The following APLF variants were observed in gnomAD, a reference collection of about 807,000 sequenced individuals.
APLF encodes the protein aprataxin and PNK-like factor.
In APLF, 61 loss-of-function variants were observed where a neutral mutation model predicts 55.6. That is an observed-to-expected ratio of 1.10 (90% CI 0.89 to 1.36). APLF has a LOEUF of 1.36. APLF is among the 40% of genes most tolerant of loss of function. APLF has a pLI of 0.00. For missense variants in APLF, 611 were observed against 602.5 expected (o/e 1.01, Z -0.15); for synonymous variants, 207 against 214.8 (o/e 0.96, Z 0.32).
At chr2:68,557,672 G>GA (rs1671052712) in intron 8 of APLF, among the ~76,000 whole-genome samples, 1 of 152,180 alleles carries the variant, frequency 6.6e-6, no homozygotes, top group Admixed American at 6.5e-5. Context: ...AGCACTGTGG[G>GA]AGGCTGAGGT....
At chr2:68,490,361 A>G in intron 2 of APLF, 100 bp downstream of exon 2, 2 of 873,658 alleles carry the variant, frequency 2.3e-6, no homozygotes, top group Non-Finnish European at 3.4e-6. Context: ...ATAGGGAATT[A>G]ATGTCAGAAT....
At chr2:68,479,934 T>G (rs980515797) in intron 1 of APLF, among the ~76,000 whole-genome samples, 2 of 152,224 alleles carry the variant, frequency 1.3e-5, no homozygotes, top group Non-Finnish European at 2.9e-5. Context: ...TCCACTTCCA[T>G]TTAATGAATA....
chr2:68,487,815 A>G (rs1208147455), intron 1 of APLF, among the ~76,000 whole-genome samples: 1 of 152,074 alleles, frequency 6.6e-6, no homozygotes, highest in African/African-American at 2.4e-5. Flanking sequence ...TGTATTCACT[A>G]TTTAGGGTTT....
At chr2:68,521,505 A>T (rs1669896655) in intron 5 of APLF, among the ~76,000 whole-genome samples, 1 of 151,746 alleles carries the variant, frequency 6.6e-6, no homozygotes, top group South Asian at 2.1e-4. Flanking sequence ...CCTGGGCTAA[A>T]TTTTTTTAAA....
At position 68,537,879 on chromosome 2, in the gene APLF, C is replaced by T. The variant is rs569462074; in HGVS notation, c.812C>T (p.Pro271Leu). 1.6e-5 allele frequency: 25 copies of T among 1,557,424 alleles called. No homozygotes were observed. Among genetic ancestry groups the T allele is most frequent in the Non-Finnish European group, 2.1e-5 (24 of 1,153,100 alleles). Residue 271 changes from proline (P) to leucine (L), a missense_variant, in exon 7 of 10, where the codon CCA (proline) becomes CTA (leucine). Coordinates refer to ENST00000303795, the MANE Select transcript of APLF (RefSeq NM_173545.3). ...TTCATATTTGTTTTACAGGAAATGC[C>T]ACAATCATTTTCTGCAATCACATTA... ...EESTISSKEMPQSFSAITLSN... is the reference protein window; with the variant it reads ...EESTISSKEMLQSFSAITLSN...
chr2:68,479,673 A>T (rs1266533614), intron 1 of APLF, among the ~76,000 whole-genome samples: 1 of 152,252 alleles, frequency 6.6e-6, no homozygotes, highest in Non-Finnish European at 1.5e-5. Context: ...GAAACTAAAC[A>T]AATGGTGGAA....
intron 9 of APLF, among the ~76,000 whole-genome samples, chr2:68,576,295 AT>A (rs1211397473): frequency 2.0e-5 from 3 of 152,262 alleles, no homozygotes; most frequent in African/African-American, 7.2e-5. Context: ...CTGCCTTCCA[AT>A]TTTTAAAAAA....
chr2:68,475,899 T>A (rs1675757290), intron 1 of APLF, among the ~76,000 whole-genome samples: 1 of 144,390 alleles, frequency 6.9e-6, no homozygotes, highest in Non-Finnish European at 1.5e-5. Context: ...ATATATATAT[T>A]TTACTTACCC....
chr2:68,541,418 ATAAC>A (rs1670545819), intron 7 of APLF, among the ~76,000 whole-genome samples: 1 of 152,184 alleles, frequency 6.6e-6, no homozygotes, highest in Non-Finnish European at 1.5e-5. Flanking sequence ...TCAAAAATAA[ATAAC>A]TAGCAACCAA....
chr2:68,523,188 A>G (rs745641090), intron 5 of APLF, among the ~76,000 whole-genome samples: 17 of 152,144 alleles, frequency 1.1e-4, no homozygotes, highest in Middle Eastern at 3.4e-3. Context: ...GTGACATACT[A>G]CAGAATAATA....
intron 8 of APLF, among the ~76,000 whole-genome samples, chr2:68,546,435 A>G (rs1670707684): frequency 6.6e-6 from 1 of 152,002 alleles, no homozygotes; most frequent in Non-Finnish European, 1.5e-5. Context: ...CACAAGTTTG[A>G]TACCAAAACC....
Position 68,492,154 on chromosome 2 carries a change from A to C in APLF, c.168+1893A>C, listed in dbSNP as rs187741566. On this transcript the variant is annotated intron_variant, in intron 2 of 9. Transcript: ENST00000303795. ...CTATACTTGGCTGAAAATTATTCAGATATATTTTGTACTTTTGTGGCTATT... is the reference window on the plus strand; with the variant it reads ...CTATACTTGGCTGAAAATTATTCAGCTATATTTTGTACTTTTGTGGCTATT... Among the ~76,000 whole-genome samples, 457 of 152,234 alleles carry C rather than the reference A, an allele frequency of 3.0e-3. 2 individuals are homozygous for C. Among genetic ancestry groups the C allele is most frequent in the African/African-American group, 0.011 (438 of 41,552 alleles).
At chr2:68,503,261 A>AT (rs1382973045) in intron 3 of APLF, among the ~76,000 whole-genome samples, 1 of 152,022 alleles carries the variant, frequency 6.6e-6, no homozygotes, top group Non-Finnish European at 1.5e-5. Flanking sequence ...AGCTTTTTGA[A>AT]TTTTATTAAG....
chr2:68,556,728 C>T (rs1439365272), intron 8 of APLF, among the ~76,000 whole-genome samples: 1 of 152,164 alleles, frequency 6.6e-6, no homozygotes. Flanking sequence ...TACCATGTGT[C>T]ATGCAGATGA....
chr2:68,492,081 A>T (rs905727334), intron 2 of APLF, among the ~76,000 whole-genome samples: 1 of 152,154 alleles, frequency 6.6e-6, no homozygotes, highest in Non-Finnish European at 1.5e-5. Flanking sequence ...TATATTTTAA[A>T]ATGTTTTATA....
chr2:68,578,922 A>G lies in APLF; in HGVS notation c.*900A>G, dbSNP rs1351428929. ...AAGAAACCACTTATTCTCCAGTTTT[A>G]CAAAGTATCTTTCTGTATTTCTGTT... On this transcript the variant is annotated 3_prime_UTR_variant, in exon 10 of 10. Coordinates refer to ENST00000303795, the MANE Select transcript of APLF (RefSeq NM_173545.3). The G allele has an allele frequency of 3.0e-6, 3 of 985,318 alleles. No individual in the cohort carries two copies. The highest frequency in any genetic ancestry group is 3.6e-6 in the Non-Finnish European group (3 of 829,852). The allele number at this position is 985,318 out of a possible 1,614,324, so 61.0% of individuals were successfully genotyped here.
chr2:68,537,227 C>T (rs1326352482), intron 6 of APLF, among the ~76,000 whole-genome samples: 1 of 150,886 alleles, frequency 6.6e-6, no homozygotes, highest in Non-Finnish European at 1.5e-5. Flanking sequence ...CATTGTTGAA[C>T]AGTGACATTT....
At chr2:68,480,327 C>G (rs112949621) in intron 1 of APLF, among the ~76,000 whole-genome samples, 1 of 148,624 alleles carries the variant, frequency 6.7e-6, no homozygotes, top group African/African-American at 2.5e-5. Context: ...TTTTTTGAGA[C>G]GGAGTTTCAC....
chr2:68,562,075 T>A (rs546326007), intron 8 of APLF, among the ~76,000 whole-genome samples: 2 of 152,116 alleles, frequency 1.3e-5, no homozygotes, highest in East Asian at 3.9e-4. Flanking sequence ...AAGATGGAAA[T>A]GATACCGTTT....
Sources: gnomAD v4.1 joint callset for allele counts (sites outside exome capture counted in the v4.1 genomes callset) on GRCh38, gnomAD v4.1.1 for gene constraint, MANE v1.5 for transcripts, NCBI Gene and HGNC (gene_info 2026-07-23, HGNC 2026-07-21) for gene names.